The following USP6NL variants were observed in gnomAD, a reference collection of about 807,000 sequenced individuals.
USP6NL encodes the protein USP6 N-terminal-like protein.
A neutral mutation model predicts 61.9 loss-of-function variants in USP6NL; 26 were observed. The ratio of observed to expected loss-of-function variants is 0.42; its 90% CI spans 0.31 to 0.58. The LOEUF is 0.58. Among genes scored for constraint, USP6NL ranks in the 20% least tolerant of loss-of-function variants. The pLI is 0.16. For missense variants in USP6NL, 1,114 were observed against 1,034.3 expected, an observed-to-expected ratio of 1.08 and a Z score of -1.06; for synonymous variants, 432 against 390.1, an observed-to-expected ratio of 1.11 and a Z score of -1.27.
At position 11,597,692 on chromosome 10, in the gene USP6NL, C is replaced by T. The variant is rs538234606; in HGVS notation, c.-58G>A. 1.4e-6 allele frequency: 2 copies of T among 1,452,414 alleles called. No homozygotes were observed. Among genetic ancestry groups the T allele is most frequent in the South Asian group, 2.4e-5 (2 of 81,920 alleles). 90.0% of individuals were successfully genotyped at this position (1,452,414 alleles called of 1,614,324 possible). A position where few individuals can be genotyped will look rare whatever the true frequency, so the allele number is the denominator to read the frequency against. On this transcript the variant is annotated 5_prime_UTR_variant, in exon 2 of 15. The change creates a premature stop within an existing upstream ORF in the 5' untranslated region. Transcript: ENST00000609104. The surrounding 1 kb of genome is among the most constrained non-coding windows in gnomAD (Gnocchi z 4.6). ...AGATATTAAACCAAAATCTGCTGTC[C>T]AAGGTTTCTCAGAGGAATACATGTC...
At position 11,463,057 on chromosome 10, in the gene USP6NL, C is replaced by G. The variant is rs1280325776; in HGVS notation, c.1871G>C (p.Arg624Pro). The G allele has an allele frequency of 1.2e-6, 2 of 1,614,018 alleles. No individual in the cohort carries two copies. Among genetic ancestry groups the G allele is most frequent in the Non-Finnish European group, 1.7e-6 (2 of 1,179,892 alleles). The change falls in exon 15 of 15, where the codon CGA becomes CCA. Residue 624 changes from arginine (R) to proline (P), a missense_variant. By Grantham distance (103) the Arg-to-Pro change is moderately radical. Transcript: ENST00000609104. The surrounding 1 kb of genome is among the most constrained non-coding windows in gnomAD (Gnocchi z 6.3). ...RYPSQLDGEA[R>P]GLAHPPSYSN... ...GTAGGAGGGGGGATGAGCTAGCCCT[C>G]GGGCTTCCCCATCTAGCTGGGACGG...
At position 11,460,929 on chromosome 10, in the gene USP6NL, C is replaced by T. The variant is rs2096212145; in HGVS notation, c.*1512G>A. The T allele has an allele frequency of 6.6e-6, 1 of 152,094 alleles. No individual in the cohort carries two copies. Among genetic ancestry groups the T allele is most frequent in the Non-Finnish European group, 1.5e-5 (1 of 67,996 alleles). The allele number at this position is 152,094 out of a possible 1,614,324, so 9.4% of individuals were successfully genotyped here. A position where few individuals can be genotyped will look rare whatever the true frequency, so the allele number is the denominator to read the frequency against. ...CTGCACTTGTTTTGCTATTTAATAA[C>T]ATCATTACCAAGTTGATCAAAATTA... is the stretch of plus-strand genomic sequence containing the variant. On this transcript the variant is annotated 3_prime_UTR_variant, in exon 15 of 15. Transcript: ENST00000609104.
rs969060866 is a variant in USP6NL at position 11,511,347 on chromosome 10, G to A, written c.196-1672C>T. On this transcript the variant is annotated intron_variant, in intron 5 of 14. Transcript: ENST00000609104. The surrounding 1 kb of genome is among the most constrained non-coding windows in gnomAD (Gnocchi z 4.9). ...AATATGTTTAATTTTAAAACTCAGT[G>A]GGGCACTGAAATCTAATTAATGTTT... 4.6e-5 allele frequency among the ~76,000 whole-genome samples: 7 copies of A among 152,286 alleles called. No homozygotes were observed. The highest frequency in any genetic ancestry group is 2.1e-4 in the South Asian group (1 of 4,830).
intron 2 of USP6NL, among the ~76,000 whole-genome samples, chr10:11,555,721 C>T (rs1836685841): frequency 2.6e-5 from 4 of 151,858 alleles, no homozygotes; most frequent in Admixed American, 2.6e-4. Flanking sequence ...CAGAGTAAAA[C>T]TTCCAAAAAT....
chr10:11,569,515 TAAAG>T (rs1588396997), intron 2 of USP6NL, among the ~76,000 whole-genome samples: 1 of 152,034 alleles, frequency 6.6e-6, no homozygotes, highest in African/African-American at 2.4e-5. Flanking sequence ...TAAGAGAATA[TAAAG>T]AAAGAAACGA....
chr10:11,481,894 T>A lies in USP6NL; in HGVS notation c.954A>T (p.Glu318Asp). ...GGGTCTCCTGAAAAAATTCTACAAG[T>A]TCTTCCATGGACAATTTCATTAGAT... ...KKHLMKLSME[E>D]LVEFFQETLA... Residue 318 changes from glutamate (E) to aspartate (D), a missense_variant, in exon 14 of 15, where the codon GAA (glutamate) becomes GAT (aspartate). By Grantham distance (45) the Glu-to-Asp change is conservative (BLOSUM62 2). Transcript: ENST00000609104. The surrounding 1 kb of genome is among the most constrained non-coding windows in gnomAD (Gnocchi z 4.4). 1 of 1,611,132 alleles carries A rather than the reference T, an allele frequency of 6.2e-7. No individual in the cohort carries two copies. Among genetic ancestry groups the A allele is most frequent in the South Asian group, 1.1e-5 (1 of 90,426 alleles).
rs189596458 is a variant in USP6NL at position 11,515,839 on chromosome 10, G to C, written c.195+2696C>G. Among the ~76,000 whole-genome samples, 61 of 152,220 alleles carry C rather than the reference G, an allele frequency of 4.0e-4. 1 individual carries two copies. Among genetic ancestry groups the C allele is most frequent in the Admixed American group, 3.7e-3 (57 of 15,284 alleles). ...GAAGACAAGAAGTACAAAAAGAAACGTGTCTTTTTACAGAACACCCTGACA... is the reference window on the plus strand; with the variant it reads ...GAAGACAAGAAGTACAAAAAGAAACCTGTCTTTTTACAGAACACCCTGACA... On this transcript the variant is annotated intron_variant, in intron 5 of 14. Coordinates refer to ENST00000609104, the MANE Select transcript of USP6NL (RefSeq NM_014688.5).
rs933855864 is a variant in USP6NL, at chr10:11,470,570, A to T, written c.1079-6721T>A. Among the ~76,000 whole-genome samples, 1 of 152,184 alleles carries T rather than the reference A, an allele frequency of 6.6e-6. No homozygotes were observed. Among genetic ancestry groups the T allele is most frequent in the African/African-American group, 2.4e-5 (1 of 41,446 alleles). ...TTCTTCACAGAAGTAGGTCCAAATA[A>T]AGCATTCAACATTTTGGTGTGATCT... On this transcript the variant is annotated intron_variant, in intron 14 of 14. Coordinates refer to ENST00000609104, the MANE Select transcript of USP6NL (RefSeq NM_014688.5). This position sits in a 1 kb window ranked among gnomAD's most constrained non-coding sequence, Gnocchi z 5.4.
chr10:11,533,216 G>T (rs889811119), intron 2 of USP6NL, among the ~76,000 whole-genome samples: 1 of 152,170 alleles, frequency 6.6e-6, no homozygotes, highest in Non-Finnish European at 1.5e-5. Flanking sequence ...TGGTGCCAAA[G>T]TTCTAATCAG....
intron 14 of USP6NL, among the ~76,000 whole-genome samples, chr10:11,477,914 G>C (rs532556213): frequency 6.6e-6 from 1 of 152,172 alleles, no homozygotes; most frequent in Non-Finnish European, 1.5e-5. Flanking sequence ...CTTAAAAACA[G>C]TAATAGATGA....
intron 6 of USP6NL, among the ~76,000 whole-genome samples, chr10:11,504,178 T>G (rs1834334353): frequency 1.3e-5 from 2 of 152,240 alleles, no homozygotes; most frequent in African/African-American, 4.8e-5. Flanking sequence ...ATGCTGTTTT[T>G]CAAATACTTG....
At chr10:11,565,038 T>C (rs539979270) in intron 2 of USP6NL, 4 of 152,190 alleles carry the variant, frequency 2.6e-5, no homozygotes, top group Admixed American at 6.5e-5. Context: ...ACACCACAGA[T>C]AGTCATCATT....
chr10:11,611,002 G>C lies in USP6NL; in HGVS notation c.-84+441C>G, dbSNP rs906444481. 6.6e-6 allele frequency among the ~76,000 whole-genome samples: 1 copy of C among 152,000 alleles called. No individual in the cohort carries two copies. The highest frequency in any genetic ancestry group is 2.4e-5 in the African/African-American group (1 of 41,392). ...CTCTCATTCGCCCCATCCTCCCCTC[G>C]CCTGGTCCAAACAAAGTTCCGCGGC... is the stretch of plus-strand genomic sequence containing the variant. On this transcript the variant is annotated intron_variant, in intron 1 of 14. Transcript: ENST00000609104. The surrounding 1 kb of genome is among the most constrained non-coding windows in gnomAD (Gnocchi z 5.3).
At chr10:11,479,527 T>C (rs912339341) in intron 14 of USP6NL, among the ~76,000 whole-genome samples, 9 of 151,530 alleles carry the variant, frequency 5.9e-5, no homozygotes, top group Non-Finnish European at 1.2e-4. Context: ...TGCCACATTA[T>C]GTAAGGAGTC....
chr10:11,469,731 G>T (rs1294958320), intron 14 of USP6NL, among the ~76,000 whole-genome samples: 1 of 152,224 alleles, frequency 6.6e-6, no homozygotes, highest in African/African-American at 2.4e-5. Context: ...CCGCACAGTG[G>T]GGGATGGGCA....
chr10:11,558,138 C>T (rs929577556), intron 2 of USP6NL, among the ~76,000 whole-genome samples: 2 of 152,126 alleles, frequency 1.3e-5, no homozygotes, highest in Admixed American at 6.5e-5. Context: ...ATTTGCGAAG[C>T]GACAGGTGGT....
chr10:11,488,213 A>T (rs1322739984), intron 10 of USP6NL, among the ~76,000 whole-genome samples: 2 of 152,068 alleles, frequency 1.3e-5, no homozygotes, highest in African/African-American at 4.8e-5. Flanking sequence ...GGAGACTGAG[A>T]CCAGCCTACT....
At chr10:11,606,234 T>C (rs968490668) in intron 1 of USP6NL, among the ~76,000 whole-genome samples, 1 of 152,222 alleles carries the variant, frequency 6.6e-6, no homozygotes, top group Non-Finnish European at 1.5e-5. Flanking sequence ...AAGACTTATC[T>C]AGAATTCTAC....
chr10:11,493,122 A>G lies in USP6NL; in HGVS notation c.491T>C (p.Val164Ala). 1 of 1,603,950 alleles carries G rather than the reference A, an allele frequency of 6.2e-7. No individual in the cohort carries two copies. The highest frequency in any genetic ancestry group is 8.5e-7 in the Non-Finnish European group (1 of 1,174,330). Residue 164 changes from valine (V) to alanine (A), a missense_variant, in exon 8 of 15, where the codon GTT (valine) becomes GCT (alanine). Val to Ala is a moderately conservative substitution (Grantham distance 64, BLOSUM62 0). Transcript: ENST00000609104. The stretch of plus-strand genomic sequence containing the variant: ...CATAATATTAAACTTTACTCACTTA[A>G]CACCATATCTGTCTCTAAACATAAT... ...DHIMFRDRYG[V>A]KQQSLFHVLA... is the part of the protein sequence containing the mutation.
Sources: allele counts gnomAD v4.1 joint callset (sites outside exome capture counted in the v4.1 genomes callset), GRCh38; gene constraint gnomAD v4.1.1; non-coding constraint Gnocchi (gnomAD v3.1); transcripts MANE v1.5; gene names NCBI Gene and HGNC (gene_info 2026-07-23, HGNC 2026-07-21).